The following ANAPC4 variants were observed in gnomAD, a reference collection of about 807,000 sequenced individuals.
ANAPC4 encodes the protein anaphase-promoting complex subunit 4.
A neutral mutation model predicts 119.8 loss-of-function variants in ANAPC4; 63 were observed. That is an observed-to-expected ratio of 0.53 (90% confidence interval 0.43 to 0.65). The LOEUF (loss-of-function observed/expected upper bound fraction) is 0.65, where lower values mean the gene tolerates loss of function less well. Ranked by LOEUF, ANAPC4 falls within the 30% of genes least tolerant of loss-of-function variation. The probability of loss-of-function intolerance (pLI) is 0.00; values close to 1 mark genes in which losing one functional copy is unlikely to be tolerated. For missense variants in ANAPC4, 716 were observed against 945.1 expected (o/e 0.76, Z 3.18); for synonymous variants, 283 against 318.6 (o/e 0.89, Z 1.19).
intron 9 of ANAPC4, 103 bp from the exon 10 acceptor site, chr4:25,392,235 C>G: frequency 2.5e-6 from 2 of 805,546 alleles, no homozygotes; most frequent in Non-Finnish European, 4.2e-6. Flanking sequence ...GGGCACAATT[C>G]TGACATAGTC....
In ANAPC4 at chr4:25,405,683, T is replaced by C; in HGVS notation, c.1317+64T>C. ...TCCTGCTTGAACTCAGCTGTGCTGG[T>C]CATTTTGGTACTCTTATTCAGTTAT... On this transcript the variant is annotated intron_variant, in intron 18 of 28. Transcript: ENST00000315368. This position sits in a 1 kb window ranked among gnomAD's most constrained non-coding sequence, Gnocchi z 4.6. The C allele has an allele frequency of 6.7e-7, 1 of 1,502,464 alleles. No individual in the cohort carries two copies. The highest frequency in any genetic ancestry group is 9.2e-7 in the Non-Finnish European group (1 of 1,082,702). The allele number at this position is 1,502,464 out of a possible 1,614,324, so 93.1% of individuals were successfully genotyped here. A position where few individuals can be genotyped will look rare whatever the true frequency, so the allele number is the denominator to read the frequency against.
At chr4:25,412,604 T>C (rs557794950) in intron 21 of ANAPC4, among the ~76,000 whole-genome samples, 115 of 152,032 alleles carry the variant, frequency 7.6e-4, no homozygotes, top group African/African-American at 2.5e-3. Flanking sequence ...TACTAAAAAT[T>C]AGCTGGGTGT....
chr4:25,400,356 AG>A (rs781048973), intron 16 of ANAPC4, among the ~76,000 whole-genome samples: 13 of 152,082 alleles, frequency 8.5e-5, no homozygotes, highest in Non-Finnish European at 1.8e-4. Flanking sequence ...CAGTTGTAGG[AG>A]GAAAGGCTGA....
intron 26 of ANAPC4, 86 bp from the exon 27 acceptor site, chr4:25,416,339 C>A: frequency 1.2e-6 from 1 of 845,536 alleles, no homozygotes; most frequent in Non-Finnish European, 1.7e-6. Flanking sequence ...AAATTTTTTT[C>A]TGCTTGCTGC....
At chr4:25,389,443 C>G (rs1189644705) in intron 7 of ANAPC4, among the ~76,000 whole-genome samples, 2 of 152,094 alleles carry the variant, frequency 1.3e-5, no homozygotes, top group Non-Finnish European at 2.9e-5. Context: ...AGGCGTGAGC[C>G]ACCGCGCCTG....
At chr4:25,389,275 C>G (rs1409127619) in intron 7 of ANAPC4, among the ~76,000 whole-genome samples, 1 of 151,884 alleles carries the variant, frequency 6.6e-6, no homozygotes, top group East Asian at 1.9e-4. Context: ...TCTTCTGCCT[C>G]AGCCTCCCGA....
chr4:25,418,425 C>A lies in ANAPC4; in HGVS notation c.*43C>A. 1 of 1,550,410 alleles carries A rather than the reference C, an allele frequency of 6.4e-7. No homozygotes were observed. The highest frequency in any genetic ancestry group is 8.9e-7 in the Non-Finnish European group (1 of 1,127,236). On this transcript the variant is annotated 3_prime_UTR_variant, in exon 29 of 29. Coordinates refer to ENST00000315368, the MANE Select transcript of ANAPC4 (RefSeq NM_013367.3). ...GTGTGTGTAATTATGGCCAAAAGGA[C>A]ATAGGAGATGGACTAAGATGTCTTG...
Position 25,377,474 on chromosome 4 carries a change from A to C in ANAPC4, c.47A>C (p.Glu16Ala). ...TTCCCATCCTTCCGGGTGGTGGGAG[A>C]GAAGCAGCTCCCGCAGGAGATTATT... Reference protein sequence around the residue: ...TCFPSFRVVGEKQLPQEIIFL... With the variant: ...TCFPSFRVVGAKQLPQEIIFL... Residue 16 changes from glutamate (E) to alanine (A), a missense_variant, in exon 2 of 29, where the codon GAG becomes GCG. This residue lies in a region of ANAPC4 where 202 missense variants were observed against 293.5 expected (regional missense o/e 0.69). Transcript: ENST00000315368. 1 of 1,614,048 alleles carries C rather than the reference A, an allele frequency of 6.2e-7. No homozygotes were observed. The highest frequency in any genetic ancestry group is 1.6e-4 in the Middle Eastern group (1 of 6,062).
chr4:25,392,521 G>A, intron 10 of ANAPC4, 100 bp downstream of exon 10: 7 of 884,214 alleles, frequency 7.9e-6, no homozygotes, highest in Non-Finnish European at 1.3e-5. Flanking sequence ...GCTTTCTGAA[G>A]TAGAGGTATC....
At chr4:25,402,841 A>G (rs1033714342) in intron 16 of ANAPC4, 130 bp from the exon 17 acceptor site, 29 of 450,906 alleles carry the variant, frequency 6.4e-5, no homozygotes, top group African/African-American at 5.7e-4. Context: ...GCTGTTCTAA[A>G]GACTTAAATG....
intron 25 of ANAPC4, 64 bp downstream of exon 25, chr4:25,414,764 T>G: frequency 7.4e-7 from 1 of 1,344,842 alleles, no homozygotes; most frequent in African/African-American, 1.5e-5. Context: ...GAATGAAGCA[T>G]ACAGCCTTCC....
At chr4:25,403,086 A>G in intron 17 of ANAPC4, 60 bp downstream of exon 17, 3 of 1,238,990 alleles carry the variant, frequency 2.4e-6, no homozygotes, top group Non-Finnish European at 3.4e-6. Flanking sequence ...TAGGAGTATT[A>G]TCTTAGACTG....
At chr4:25,402,128 C>T (rs1723013467) in intron 16 of ANAPC4, among the ~76,000 whole-genome samples, 1 of 152,038 alleles carries the variant, frequency 6.6e-6, no homozygotes, top group African/African-American at 2.4e-5. Context: ...ATCATTGCTG[C>T]AAGAGGGTTT....
intron 22 of ANAPC4, 147 bp from the exon 23 acceptor site, chr4:25,414,177 A>G (rs1723732102): frequency 3.5e-6 from 2 of 575,032 alleles, no homozygotes; most frequent in Non-Finnish European, 5.9e-6. Flanking sequence ...TACTGTTACA[A>G]TTGTCATTAA....
chr4:25,390,615 C>T (rs1297748621), intron 8 of ANAPC4, among the ~76,000 whole-genome samples: 1 of 152,192 alleles, frequency 6.6e-6, no homozygotes, highest in Non-Finnish European at 1.5e-5. Context: ...GCTTTTTCAT[C>T]AGACTCTTAC....
chr4:25,392,267 C>T (rs2292407), intron 9 of ANAPC4, 71 bp from the exon 10 acceptor site: 538,872 of 1,091,994 alleles, frequency 0.49, 140,010 homozygotes, highest in Non-Finnish European at 0.54. Flanking sequence ...TAGTTTGACC[C>T]ACACTCTAAA....
intron 6 of ANAPC4, 45 bp from the exon 7 acceptor site, chr4:25,388,793 G>A: frequency 6.3e-7 from 1 of 1,599,512 alleles, no homozygotes; most frequent in Non-Finnish European, 8.5e-7. Flanking sequence ...GCTATTATTT[G>A]GAAGACAGAA....
intron 20 of ANAPC4, among the ~76,000 whole-genome samples, chr4:25,408,802 T>G (rs538261995): frequency 1.3e-5 from 2 of 152,250 alleles, no homozygotes; most frequent in Admixed American, 6.5e-5. Flanking sequence ...CCCAGCCTAT[T>G]TTTGCTTTTA....
chr4:25,403,588 G>A lies in ANAPC4; in HGVS notation c.1270+562G>A, dbSNP rs1035905181. 2.0e-5 allele frequency among the ~76,000 whole-genome samples: 3 copies of A among 152,140 alleles called. No homozygotes were observed. In the East Asian group the frequency reaches 5.8e-4, roughly 29 times the overall value. Reference sequence around the variant, plus strand: ...TCTGTCCTTGGGTAGCTTATCTTCTGTGTGATTATTTCGTCTTCTGTCTTT... The same window carrying A: ...TCTGTCCTTGGGTAGCTTATCTTCTATGTGATTATTTCGTCTTCTGTCTTT... On this transcript the variant is annotated intron_variant, in intron 17 of 28. Coordinates refer to ENST00000315368, the MANE Select transcript of ANAPC4 (RefSeq NM_013367.3).
Sources: allele counts gnomAD v4.1 joint callset (sites outside exome capture counted in the v4.1 genomes callset), GRCh38; gene constraint gnomAD v4.1.1; regional missense constraint gnomAD v4.1.1; non-coding constraint Gnocchi (gnomAD v3.1); transcripts MANE v1.5; gene names NCBI Gene and HGNC (gene_info 2026-07-23, HGNC 2026-07-21).